Variants in LRRC37A2 observed in about 807,000 individuals in gnomAD.
LRRC37A2 encodes leucine-rich repeat-containing protein 37A2.
LRRC37A2 carries 9 observed loss-of-function variants against 68.8 expected under a neutral mutation model. The observed-to-expected ratio is 0.13, with a 90% CI of 0.08 to 0.23. The LOEUF is 0.23. Ranked by LOEUF, LRRC37A2 falls within the 10% of genes least tolerant of loss-of-function variation. The pLI is 1.00. For synonymous variants in LRRC37A2, 63 were observed against 367.6 expected, an observed-to-expected ratio of 0.17 and a Z score of 9.48; for missense variants, 168 against 950.4, an observed-to-expected ratio of 0.18 and a Z score of 10.82.
chr17:46,935,495 A>G, the LRRC37A2 span: 3 of 1,335,416 alleles, frequency 2.2e-6, no homozygotes, highest in Non-Finnish European at 2.9e-6. Context: ...TACAGAATCT[A>G]CTCTTGGAAG....
At chr17:46,943,740 C>G in the LRRC37A2 span, among the ~76,000 whole-genome samples, 26 of 152,194 alleles carry the variant, frequency 1.7e-4, no homozygotes, top group African/African-American at 6.3e-4. Flanking sequence ...ACTGATGCTA[C>G]GAGCCATGTG....
chr17:46,758,625 A>G, the LRRC37A2 span, among the ~76,000 whole-genome samples: 2 of 152,158 alleles, frequency 1.3e-5, no homozygotes, highest in African/African-American at 2.4e-5. Flanking sequence ...CTTTTTTTCA[A>G]TGTCACACAG....
intron 6 of LRRC37A2, among the ~76,000 whole-genome samples, chr17:46,533,323 CGTT>C (rs1445213607): frequency 1.2e-5 from 1 of 84,724 alleles, no homozygotes; most frequent in Non-Finnish European, 2.0e-5. Context: ...AATTTTATAA[CGTT>C]GTAGTTCAGA....
At chr17:47,029,355 A>G in the LRRC37A2 span, among the ~76,000 whole-genome samples, 4 of 152,184 alleles carry the variant, frequency 2.6e-5, no homozygotes, top group African/African-American at 9.7e-5. Flanking sequence ...CTCTTCTACC[A>G]TAATTGCAAA....
At chr17:47,011,810 G>C in the LRRC37A2 span, among the ~76,000 whole-genome samples, 2 of 152,068 alleles carry the variant, frequency 1.3e-5, no homozygotes, top group African/African-American at 2.4e-5. Context: ...ATTAGACACA[G>C]GCTATGCATC....
At chr17:46,939,397 G>GT in the LRRC37A2 span, 1 of 995,458 alleles carries the variant, frequency 1.0e-6, no homozygotes, top group Non-Finnish European at 1.2e-6. Context: ...ACAGCTGGGT[G>GT]TTTCTCTTTT....
the LRRC37A2 span, among the ~76,000 whole-genome samples, chr17:46,904,331 G>A: frequency 4.6e-5 from 7 of 151,112 alleles, no homozygotes; most frequent in Non-Finnish European, 1.0e-4. Flanking sequence ...TGGGTGGATG[G>A]ATGGGGTGGA....
the LRRC37A2 span, among the ~76,000 whole-genome samples, chr17:46,963,283 G>A: frequency 1.3e-5 from 2 of 152,312 alleles, no homozygotes; most frequent in South Asian, 2.1e-4. Flanking sequence ...AGTGGCTCAC[G>A]CCTATAATCC....
At chr17:46,873,988 CAAA>C in the LRRC37A2 span, among the ~76,000 whole-genome samples, 5 of 69,668 alleles carry the variant, frequency 7.2e-5, no homozygotes, top group Non-Finnish European at 3.1e-5. Flanking sequence ...GACTCTGTCT[CAAA>C]AAAAAAAAAA....
chr17:46,681,436 G>A, the LRRC37A2 span, among the ~76,000 whole-genome samples: 1 of 133,914 alleles, frequency 7.5e-6, no homozygotes, highest in African/African-American at 2.8e-5. Context: ...GCTGCAGTGA[G>A]CTGTGATAGT....
chr17:47,007,098 C>A, the LRRC37A2 span, among the ~76,000 whole-genome samples: 2 of 152,230 alleles, frequency 1.3e-5, no homozygotes, highest in Non-Finnish European at 2.9e-5. Flanking sequence ...AAAAGGGCAG[C>A]TCACTGCCAG....
At chr17:46,929,855 C>T in the LRRC37A2 span, 1 of 424,512 alleles carries the variant, frequency 2.4e-6, no homozygotes, top group African/African-American at 2.0e-5. Context: ...CTATCTTAAT[C>T]TAATTACCTA....
chr17:46,463,866 CAA>C, the LRRC37A2 span, among the ~76,000 whole-genome samples: 27 of 87,756 alleles, frequency 3.1e-4, 2 homozygotes, highest in East Asian at 1.5e-3. Flanking sequence ...ATCCCGTCTT[CAA>C]AAAAAAAAAA....
the LRRC37A2 span, among the ~76,000 whole-genome samples, chr17:46,754,740 G>A: frequency 1.3e-5 from 2 of 152,180 alleles, no homozygotes; most frequent in African/African-American, 4.8e-5. Flanking sequence ...AGGAGACCCA[G>A]ATTCATCTGG....
the LRRC37A2 span, among the ~76,000 whole-genome samples, chr17:46,992,219 T>TAAATAAATAAATAAATAAATAAA: frequency 2.2e-4 from 33 of 151,520 alleles, no homozygotes; most frequent in South Asian, 6.3e-4. Flanking sequence ...AATAAATAAA[T>TAAATAAATAAATAAATAAATAAA]TAGCCAGGTG....
the LRRC37A2 span, among the ~76,000 whole-genome samples, chr17:46,805,873 G>T: frequency 7.9e-5 from 12 of 152,334 alleles, no homozygotes; most frequent in East Asian, 2.3e-3. Flanking sequence ...GTGTGGTGTG[G>T]TGTCACTGAA....
the LRRC37A2 span, among the ~76,000 whole-genome samples, chr17:46,443,814 ATTATTATT>A: frequency 2.1e-3 from 31 of 14,854 alleles, 3 homozygotes; most frequent in East Asian, 9.2e-3. Context: ...TTTTATTATT[ATTATTATT>A]ATTATTATTA....
At chr17:46,926,331 T>TG in the LRRC37A2 span, among the ~76,000 whole-genome samples, 1 of 152,116 alleles carries the variant, frequency 6.6e-6, no homozygotes, top group African/African-American at 2.4e-5. Flanking sequence ...ATGTTCATCA[T>TG]GGTCAGAGGC....
At chr17:46,922,894 G>C in the LRRC37A2 span, 1 of 519,794 alleles carries the variant, frequency 1.9e-6, no homozygotes, top group South Asian at 2.3e-5. Context: ...TTAGTATCCC[G>C]CGATTGTCCT....
Sources: gnomAD v4.1 joint callset for allele counts (sites outside exome capture counted in the v4.1 genomes callset) on GRCh38, gnomAD v4.1.1 for gene constraint, MANE v1.5 for transcripts, NCBI Gene and HGNC (gene_info 2026-07-23, HGNC 2026-07-21) for gene names.